Variants in ARHGAP21 observed in about 807,000 individuals in gnomAD.
ARHGAP21 encodes Rho GTPase activating protein 21.
A neutral mutation model predicts 164.6 loss-of-function variants in ARHGAP21; 38 were observed. The observed-to-expected ratio is 0.23, with a 90% CI of 0.18 to 0.30. The LOEUF (loss-of-function observed/expected upper bound fraction) is 0.30, where lower values mean the gene tolerates loss of function less well. Ranked by LOEUF, ARHGAP21 falls within the 10% of genes least tolerant of loss-of-function variation. The pLI is 1.00. For missense variants in ARHGAP21, 1,822 were observed against 2,370.7 expected (o/e 0.77, Z 4.81); for synonymous variants, 766 against 857.9 (o/e 0.89, Z 1.87).
chr10:24,623,444 G>A (rs1834772016), intron 7 of ARHGAP21, among the ~76,000 whole-genome samples: 1 of 152,132 alleles, frequency 6.6e-6, no homozygotes. Context: ...AGAATGCAGT[G>A]ACAAATTAAA....
At chr10:24,673,002 A>G (rs1840862405) in intron 2 of ARHGAP21, among the ~76,000 whole-genome samples, 1 of 152,222 alleles carries the variant, frequency 6.6e-6, no homozygotes, top group South Asian at 2.1e-4. Context: ...CTGACAAAAG[A>G]TTTGTAAGAT....
chr10:24,691,919 T>A (rs1488654246), intron 2 of ARHGAP21, among the ~76,000 whole-genome samples: 8 of 152,224 alleles, frequency 5.3e-5, no homozygotes, highest in Non-Finnish European at 7.3e-5. Context: ...CTTCAAGTAT[T>A]ATGAAGTGCA....
At chr10:24,679,846 A>G (rs1206101810) in intron 2 of ARHGAP21, among the ~76,000 whole-genome samples, 1 of 152,188 alleles carries the variant, frequency 6.6e-6, no homozygotes, top group African/African-American at 2.4e-5. Context: ...GGTTTGTTAC[A>G]TATGTATACA....
intron 7 of ARHGAP21, among the ~76,000 whole-genome samples, chr10:24,625,607 T>G (rs992846059): frequency 6.6e-6 from 1 of 152,178 alleles, no homozygotes; most frequent in African/African-American, 2.4e-5. Context: ...CAAAGTAAAC[T>G]GCTGCTAACC....
intron 2 of ARHGAP21, among the ~76,000 whole-genome samples, chr10:24,672,380 C>T (rs1447136374): frequency 6.6e-6 from 1 of 152,162 alleles, no homozygotes. Flanking sequence ...GTCTCAGGCT[C>T]CTTTGTTCTC....
intron 3 of ARHGAP21, among the ~76,000 whole-genome samples, chr10:24,669,614 G>A (rs968749596): frequency 1.3e-5 from 2 of 152,150 alleles, no homozygotes; most frequent in Non-Finnish European, 2.9e-5. Context: ...CAGGATTCTG[G>A]CGTGGATAAA....
At position 24,670,297 on chromosome 10, in the gene ARHGAP21, C is replaced by G; in HGVS notation, c.164G>C (p.Arg55Thr). ...TGTAAAACCAAAGCCTTGAGATGTT[C>G]TTTTCAACGTAACTGTTTTGGGACC... The part of the protein sequence containing the change: ...WPGPKTVTLK[R>T]TSQGFGFTLR... The change falls in exon 3 of 26, where the codon AGA (arginine) becomes ACA (threonine). Residue 55 changes from arginine to threonine, a missense_variant. Physicochemically the swap from Arg to Thr is moderately conservative, Grantham distance 71 (BLOSUM62 -1). Around this residue, in one of 5 missense-constraint regions of ARHGAP21, gnomAD observed 1,090 missense variants for 1,378.9 expected, o/e 0.79. Coordinates refer to ENST00000396432, the MANE Select transcript of ARHGAP21 (RefSeq NM_020824.4). 1 of 1,609,696 alleles carries G rather than the reference C, an allele frequency of 6.2e-7. No individual in the cohort carries two copies. Among genetic ancestry groups the G allele is most frequent in the Non-Finnish European group, 8.5e-7 (1 of 1,177,722 alleles).
At chr10:24,690,557 G>A (rs1217130639) in intron 2 of ARHGAP21, among the ~76,000 whole-genome samples, 2 of 152,068 alleles carry the variant, frequency 1.3e-5, no homozygotes, top group Non-Finnish European at 2.9e-5. Context: ...GGATGGGCGT[G>A]GTGGCTCACT....
chr10:24,656,467 G>A (rs1282353432), intron 4 of ARHGAP21, among the ~76,000 whole-genome samples: 3 of 63,528 alleles, frequency 4.7e-5, no homozygotes, highest in African/African-American at 7.4e-5. Flanking sequence ...CCCCTACTGT[G>A]AAGTGAGGAG....
At chr10:24,616,751 T>C (rs558498847) in intron 9 of ARHGAP21, among the ~76,000 whole-genome samples, 3 of 152,330 alleles carry the variant, frequency 2.0e-5, no homozygotes, top group African/African-American at 7.2e-5. Context: ...TTAGAACACA[T>C]TGTAATATCT....
At chr10:24,686,796 CAT>C (rs1482928329) in intron 2 of ARHGAP21, among the ~76,000 whole-genome samples, 6 of 152,240 alleles carry the variant, frequency 3.9e-5, no homozygotes, top group African/African-American at 7.2e-5. Context: ...ACTGTTTTCA[CAT>C]GTTTCCCGTG....
At chr10:24,699,009 C>T (rs187778636) in intron 2 of ARHGAP21, among the ~76,000 whole-genome samples, 2 of 152,260 alleles carry the variant, frequency 1.3e-5, no homozygotes, top group Non-Finnish European at 2.9e-5. Context: ...CTACAAAAAG[C>T]GCCTAAAACT....
At position 24,585,384 on chromosome 10, in the gene ARHGAP21, G is replaced by C. The variant is rs770327232; in HGVS notation, c.4905C>G (p.Thr1635=). The change falls in exon 26 of 26, where the codon ACC becomes ACG. Residue 1635 remains threonine, a synonymous_variant. Coordinates refer to ENST00000396432, the MANE Select transcript of ARHGAP21 (RefSeq NM_020824.4). ...ACACGGGAAACTCGCTCTCGCTGTCGGTTTCCACAGGCCGCCCTTCACTGA... is the reference window on the plus strand; with the variant it reads ...ACACGGGAAACTCGCTCTCGCTGTCCGTTTCCACAGGCCGCCCTTCACTGA... ...ELISEGRPVE[T]DSESEFPVFP... 6.2e-7 allele frequency: 1 copy of C among 1,613,884 alleles called. No homozygotes were observed. The highest frequency in any genetic ancestry group is 1.7e-5 in the Admixed American group (1 of 60,020).
At chr10:24,695,050 C>CAAAAAAAA (rs570457905) in intron 2 of ARHGAP21, among the ~76,000 whole-genome samples, 3 of 78,502 alleles carry the variant, frequency 3.8e-5, no homozygotes, top group Non-Finnish European at 7.1e-5. Context: ...AATTCCATCT[C>CAAAAAAAA]AAAAAAAAAA....
intron 4 of ARHGAP21, among the ~76,000 whole-genome samples, chr10:24,655,160 A>G (rs1247659585): frequency 2.0e-5 from 3 of 152,276 alleles, no homozygotes; most frequent in African/African-American, 7.2e-5. Flanking sequence ...CTAAAACCAT[A>G]AAAATCCTAG....
At chr10:24,588,152 G>C (rs2076182371) in intron 25 of ARHGAP21, among the ~76,000 whole-genome samples, 2 of 152,176 alleles carry the variant, frequency 1.3e-5, no homozygotes, top group Admixed American at 1.3e-4. Context: ...GGGACAATCT[G>C]TATAAAAACT....
At chr10:24,691,941 C>CA (rs1240834278) in intron 2 of ARHGAP21, among the ~76,000 whole-genome samples, 16 of 152,090 alleles carry the variant, frequency 1.1e-4, no homozygotes, top group African/African-American at 3.6e-4. Flanking sequence ...ACAATACTCA[C>CA]AAAAAATAGA....
At chr10:24,588,942 T>G in intron 25 of ARHGAP21, among the ~76,000 whole-genome samples, 1 of 152,128 alleles carries the variant, frequency 6.6e-6, no homozygotes, top group Middle Eastern at 3.2e-3. Context: ...TGATAATTAC[T>G]GGAGATGAAG....
chr10:24,588,039 T>G (rs1201274274), intron 25 of ARHGAP21, among the ~76,000 whole-genome samples: 1 of 152,180 alleles, frequency 6.6e-6, no homozygotes. Flanking sequence ...GCAACAGAGT[T>G]AAGGAAACTG....
Sources: allele counts gnomAD v4.1 joint callset (sites outside exome capture counted in the v4.1 genomes callset), GRCh38; gene constraint gnomAD v4.1.1; regional missense constraint gnomAD v4.1.1; transcripts MANE v1.5; gene names NCBI Gene and HGNC (gene_info 2026-07-23, HGNC 2026-07-21).